Variants in ECPAS observed in about 807,000 individuals in gnomAD.
The protein encoded by ECPAS is proteasome adapter and scaffold protein ECM29.
In ECPAS, 70 loss-of-function variants were observed where a neutral mutation model predicts 255.1. The ratio of observed to expected loss-of-function variants is 0.27; its 90% CI spans 0.23 to 0.33. ECPAS has a LOEUF of 0.33. ECPAS is among the 10% of genes least tolerant of loss of function. The probability of loss-of-function intolerance (pLI) is 1.00; values close to 1 mark genes in which losing one functional copy is unlikely to be tolerated. For missense variants in ECPAS, 1,817 were observed against 2,206.4 expected (o/e 0.82, Z 3.54); for synonymous variants, 784 against 775.0 (o/e 1.01, Z -0.19).
rs1317735288 is a variant in ECPAS at position 111,437,072 on chromosome 9, T to C, written c.576A>G (p.Ser192=). 36 of 1,610,036 alleles carry C rather than the reference T, an allele frequency of 2.2e-5. No homozygotes were observed. In the East Asian group the frequency reaches 8.0e-4, roughly 36 times the overall value. The change falls in exon 7 of 50, where the codon TCA becomes TCG. Residue 192 remains serine (S), a synonymous_variant. Transcript: ENST00000684092. Reference sequence around the variant, plus strand: ...TTGAAGAAGAACCCTGTGCTGAAGATGAATTTTGGCGACTCTGGGATTCAT... The same window carrying C: ...TTGAAGAAGAACCCTGTGCTGAAGACGAATTTTGGCGACTCTGGGATTCAT... ...VLNESQSRQN[S]SSAQGSSSNS... is the part of the protein sequence containing the mutation.
chr9:111,392,645 A>C (rs1423820338), intron 28 of ECPAS, 123 bp downstream of exon 28: 2 of 634,398 alleles, frequency 3.2e-6, no homozygotes, highest in Non-Finnish European at 5.5e-6. Flanking sequence ...ATGGACTCGC[A>C]ACTTAGAAAA....
chr9:111,424,642 T>C (rs933498973), intron 12 of ECPAS, among the ~76,000 whole-genome samples: 1 of 152,232 alleles, frequency 6.6e-6, no homozygotes, highest in Non-Finnish European at 1.5e-5. Flanking sequence ...AAAAATTTAC[T>C]GAATGCATGT....
chr9:111,406,624 C>T (rs923809484), intron 24 of ECPAS, among the ~76,000 whole-genome samples: 2 of 149,582 alleles, frequency 1.3e-5, no homozygotes, highest in African/African-American at 2.5e-5. Flanking sequence ...TAAAAATGGG[C>T]GAGGCACAGT....
chr9:111,383,695 C>T (rs1486075824), intron 34 of ECPAS, among the ~76,000 whole-genome samples: 1 of 152,004 alleles, frequency 6.6e-6, no homozygotes, highest in African/African-American at 2.4e-5. Context: ...CCGAGGCAGG[C>T]GGATTGCTTG....
chr9:111,373,064 C>T, intron 41 of ECPAS, 106 bp downstream of exon 41: 1 of 932,338 alleles, frequency 1.1e-6, no homozygotes, highest in Non-Finnish European at 1.7e-6. Flanking sequence ...ACAAATGTTT[C>T]TAGCAAATCA....
At chr9:111,425,556 C>A in intron 11 of ECPAS, 60 bp from the exon 12 acceptor site, 1 of 1,203,892 alleles carries the variant, frequency 8.3e-7, no homozygotes. Flanking sequence ...CATATCTTTA[C>A]GGATGATTAC....
At position 111,370,508 on chromosome 9, in the gene ECPAS, G is replaced by C; in HGVS notation, c.4901C>G (p.Ala1634Gly). 6.2e-7 allele frequency: 1 copy of C among 1,611,538 alleles called. No homozygotes were observed. The highest frequency in any genetic ancestry group is 8.5e-7 in the Non-Finnish European group (1 of 1,178,772). ...KYKIVAISCA[A>G]DILKATKEDR... ...CTCTTTGGTGGCCTTCAAGATATCA[G>C]CTGCACAGCTGATTGCTACAATCTT... is the stretch of plus-strand genomic sequence containing the variant. Residue 1634 changes from alanine (A) to glycine (G), a missense_variant, in exon 45 of 50, where the codon GCT becomes GGT. Ala to Gly is a moderately conservative substitution (Grantham distance 60). This residue lies in a region of ECPAS where 960 missense variants were observed against 1,179.0 expected (regional missense o/e 0.81). Coordinates refer to ENST00000684092, the MANE Select transcript of ECPAS (RefSeq NM_001364929.1).
intron 19 of ECPAS, 33 bp downstream of exon 19, chr9:111,414,396 T>C (rs1213008321): frequency 1.3e-6 from 2 of 1,567,096 alleles, no homozygotes; most frequent in Admixed American, 1.7e-5. Context: ...CTTAAGTGCT[T>C]CAGTATCTTT....
At chr9:111,478,180 C>T (rs1293271923) in intron 1 of ECPAS, among the ~76,000 whole-genome samples, 1 of 151,430 alleles carries the variant, frequency 6.6e-6, no homozygotes, top group East Asian at 2.0e-4. Context: ...GGATTACAAA[C>T]TTGAGTCACC....
At chr9:111,478,593 C>G (rs997240299) in intron 1 of ECPAS, among the ~76,000 whole-genome samples, 3 of 152,120 alleles carry the variant, frequency 2.0e-5, no homozygotes, top group Non-Finnish European at 4.4e-5. Context: ...GTCAATTTTG[C>G]TTCTCCTACA....
chr9:111,423,321 TA>T, intron 12 of ECPAS, 73 bp from the exon 13 acceptor site: 1 of 1,054,598 alleles, frequency 9.5e-7, no homozygotes, highest in Non-Finnish European at 1.4e-6. Context: ...CAGTAAACAG[TA>T]AAACCTTTTC....
At position 111,483,931 on chromosome 9, in the gene ECPAS, C is replaced by T. The variant is rs545573149; in HGVS notation, c.-83+185G>A. 7.8e-5 allele frequency: 64 copies of T among 815,974 alleles called. 1 individual carries two copies. In the South Asian group the frequency reaches 3.1e-3, roughly 40 times the overall value. 50.5% of individuals were successfully genotyped at this position (815,974 alleles called of 1,614,324 possible). ...GCCATCCTCCCAGCGGCCCCCCCGC[C>T]GGGCCCCTCGCGCGCCCGCCCGCCC... On this transcript the variant is annotated intron_variant, in intron 1 of 49. Coordinates refer to ENST00000684092, the MANE Select transcript of ECPAS (RefSeq NM_001364929.1).
At chr9:111,375,727 A>G (rs767359746) in intron 37 of ECPAS, among the ~76,000 whole-genome samples, 2 of 152,112 alleles carry the variant, frequency 1.3e-5, no homozygotes, top group Non-Finnish European at 2.9e-5. Flanking sequence ...TTTCCCCCCA[A>G]TAATCCAACT....
At chr9:111,437,390 G>A (rs1233466249) in intron 6 of ECPAS, among the ~76,000 whole-genome samples, 2 of 152,158 alleles carry the variant, frequency 1.3e-5, no homozygotes, top group African/African-American at 4.8e-5. Flanking sequence ...ATCTATAAAT[G>A]ATTGCTCTAA....
Position 111,436,993 on chromosome 9 carries a change from C to A in ECPAS, c.655G>T (p.Ala219Ser). The change falls in exon 7 of 50, where the codon GCA (alanine) becomes TCA (serine). Residue 219 changes from alanine (A) to serine (S), a missense_variant. This residue lies in a region of ECPAS where 573 missense variants were observed against 716.2 expected (regional missense o/e 0.80). Coordinates refer to ENST00000684092, the MANE Select transcript of ECPAS (RefSeq NM_001364929.1). ...PQPPPGMSFY[A>S]AKRVIGDNPW... ...TTATCACCAATAACTCGTTTGGCTG[C>A]ATAAAAGCTCATTCCCGGAGGAGGC... 6.2e-7 allele frequency: 1 copy of A among 1,613,152 alleles called. No homozygotes were observed. The highest frequency in any genetic ancestry group is 8.5e-7 in the Non-Finnish European group (1 of 1,179,570).
intron 2 of ECPAS, among the ~76,000 whole-genome samples, chr9:111,469,376 T>C (rs1254627590): frequency 6.6e-6 from 1 of 151,226 alleles, no homozygotes; most frequent in Admixed American, 6.6e-5. Flanking sequence ...ATACTAAACA[T>C]ACAAAAAATT....
At chr9:111,441,186 A>T (rs1452551705) in intron 5 of ECPAS, among the ~76,000 whole-genome samples, 2 of 150,654 alleles carry the variant, frequency 1.3e-5, no homozygotes, top group Admixed American at 6.6e-5. Flanking sequence ...AATAAAAAAT[A>T]AAAAATAAAA....
chr9:111,361,301 AGACT>A lies in ECPAS; in HGVS notation c.*725_*728del, dbSNP rs947367193. 6.6e-6 allele frequency: 1 copy of A among 152,214 alleles called. No individual in the cohort carries two copies. The highest frequency in any genetic ancestry group is 1.5e-5 in the Non-Finnish European group (1 of 68,026). 9.4% of individuals were successfully genotyped at this position (152,214 alleles called of 1,614,324 possible). ...GAAGACGATTGGAATTATCCGAAGG[AGACT>A]GACTCTGTCCTCTCCATCTGTAAAG... is the stretch of plus-strand genomic sequence containing the variant. On this transcript the variant is annotated 3_prime_UTR_variant, in exon 50 of 50. Coordinates refer to ENST00000684092, the MANE Select transcript of ECPAS (RefSeq NM_001364929.1).
In ECPAS at chr9:111,431,420, C is replaced by T. The variant is rs184078150; in HGVS notation, c.849-792G>A. On this transcript the variant is annotated intron_variant, in intron 8 of 49. Coordinates refer to ENST00000684092, the MANE Select transcript of ECPAS (RefSeq NM_001364929.1). ...CAAAAATACAAAAATTAGCCGGGCA[C>T]GGTGGTGTGCACCTGTAATCACAGC... 8.3e-3 allele frequency among the ~76,000 whole-genome samples: 1,259 copies of T among 151,998 alleles called. 7 individuals are homozygous for T. Among genetic ancestry groups the T allele is most frequent in the Non-Finnish European group, 0.012 (793 of 67,948 alleles).
Sources: allele counts gnomAD v4.1 joint callset (sites outside exome capture counted in the v4.1 genomes callset), GRCh38; gene constraint gnomAD v4.1.1; regional missense constraint gnomAD v4.1.1; transcripts MANE v1.5; gene names NCBI Gene and HGNC (gene_info 2026-07-23, HGNC 2026-07-21).